The following DAB1 variants were observed in gnomAD, a reference collection of about 807,000 sequenced individuals.
DAB1 encodes the protein disabled homolog 1.
Under a neutral mutation model 64.6 loss-of-function variants are expected in DAB1, and 15 were observed. The ratio of observed to expected loss-of-function variants is 0.23; its 90% CI spans 0.16 to 0.36. The LOEUF (loss-of-function observed/expected upper bound fraction) is 0.36. Ranked by LOEUF, DAB1 falls within the 10% of genes least tolerant of loss-of-function variation. The pLI is 1.00. For missense variants in DAB1, 596 were observed against 706.7 expected, an observed-to-expected ratio of 0.84 and a Z score of 1.78; for synonymous variants, 235 against 251.9, an observed-to-expected ratio of 0.93 and a Z score of 0.64.
At chr1:58,190,992 G>C (rs1226316412) in intron 4 of DAB1, among the ~76,000 whole-genome samples, 1 of 152,174 alleles carries the variant, frequency 6.6e-6, no homozygotes, top group Non-Finnish European at 1.5e-5. Context: ...CCCATCCCAG[G>C]TTATCAACAA....
In DAB1 at chr1:58,139,718, C is replaced by T. The variant is rs539056633; in HGVS notation, n.387+10793G>A. ...ATACGAAGTCTGTGAAAAGCTTAAG[C>T]CTTGCTAAAAGATGTAATTTGATTT... On this transcript the variant is annotated intron_variant and non_coding_transcript_variant, in intron 5 of 20. Coordinates refer to the DAB1 transcript ENST00000485760. Among the ~76,000 whole-genome samples the T allele has an allele frequency of 4.6e-5, 7 of 152,248 alleles. No homozygotes were observed. In the South Asian group the frequency reaches 1.5e-3, roughly 32 times the overall value.
intron 5 of DAB1, among the ~76,000 whole-genome samples, chr1:57,993,834 C>T (rs898099639): frequency 6.6e-5 from 10 of 152,142 alleles, no homozygotes; most frequent in Non-Finnish European, 1.3e-4. Context: ...TGCACTGGTT[C>T]CTACAATCCC....
intron 9 of DAB1, 97 bp downstream of exon 9, chr1:57,062,787 C>T: frequency 1.0e-6 from 1 of 1,000,332 alleles, no homozygotes; most frequent in African/African-American, 1.6e-5. Flanking sequence ...GGCCATGACA[C>T]TCATTCCAGG....
intron 7 of DAB1, among the ~76,000 whole-genome samples, chr1:57,437,697 A>T (rs999757764): frequency 6.6e-6 from 1 of 152,186 alleles, no homozygotes; most frequent in African/African-American, 2.4e-5. Context: ...AGCCCCCACA[A>T]GTGCACTGTA....
intron 4 of DAB1, among the ~76,000 whole-genome samples, chr1:58,236,245 C>A (rs1234550636): frequency 1.3e-5 from 2 of 152,256 alleles, no homozygotes; most frequent in African/African-American, 4.8e-5. Context: ...AAAAAGGTTT[C>A]TGAGATCCAC....
At chr1:57,015,488 T>A (rs552313227) in intron 11 of DAB1, 57 bp from the exon 12 acceptor site, 1 of 1,471,894 alleles carries the variant, frequency 6.8e-7, no homozygotes, top group African/African-American at 1.4e-5. Context: ...GAAAGAAGGA[T>A]GCATGGACTC....
chr1:58,038,467 T>C (rs1647080958), intron 5 of DAB1, among the ~76,000 whole-genome samples: 1 of 151,686 alleles, frequency 6.6e-6, no homozygotes, highest in Non-Finnish European at 1.5e-5. Flanking sequence ...CTTGCCTTTT[T>C]TAAAGGAAAG....
chr1:58,099,156 T>C (rs821526), intron 5 of DAB1, among the ~76,000 whole-genome samples: 54,991 of 151,910 alleles, frequency 0.36, 12,630 homozygotes, highest in African/African-American at 0.64. Context: ...ATGTTCCCAC[T>C]ATAGTTCCCA....
intron 6 of DAB1, among the ~76,000 whole-genome samples, chr1:57,796,857 C>A (rs2101867071): frequency 6.6e-6 from 1 of 152,266 alleles, no homozygotes; most frequent in South Asian, 2.1e-4. Flanking sequence ...GCTATAGATC[C>A]CCACATCTGC....
intron 5 of DAB1, among the ~76,000 whole-genome samples, chr1:57,998,302 T>C (rs151133296): frequency 3.3e-5 from 5 of 152,284 alleles, no homozygotes; most frequent in African/African-American, 1.2e-4. Flanking sequence ...GGGATAATAA[T>C]AGTGCTTCCT....
chr1:58,499,167 T>G (rs1645854522), intron 3 of DAB1, among the ~76,000 whole-genome samples: 1 of 151,674 alleles, frequency 6.6e-6, no homozygotes, highest in Non-Finnish European at 1.5e-5. Context: ...CACTTATATA[T>G]GGAATCTAAA....
At chr1:57,842,994 C>T (rs1406348996) in intron 1 of DAB1, among the ~76,000 whole-genome samples, 3 of 152,162 alleles carry the variant, frequency 2.0e-5, no homozygotes, top group Non-Finnish European at 4.4e-5. Flanking sequence ...GTTGTCTGTC[C>T]TAGTGACTGC....
Position 58,523,628 on chromosome 1 carries a change from A to G in DAB1, n.107+3633T>C, listed in dbSNP as rs547689732. On this transcript the variant is annotated intron_variant and non_coding_transcript_variant, in intron 2 of 20. Coordinates refer to the DAB1 transcript ENST00000485760. Reference sequence around the variant, plus strand: ...AGAACTGGCAGTCCTGGCCGGGCGCAGTGGCTCACACCTGTAATCCCAGCA... The same window carrying G: ...AGAACTGGCAGTCCTGGCCGGGCGCGGTGGCTCACACCTGTAATCCCAGCA... Among the ~76,000 whole-genome samples, 590 of 152,276 alleles carry G rather than the reference A, an allele frequency of 3.9e-3. 2 individuals are homozygous for G. Among genetic ancestry groups the G allele is most frequent in the African/African-American group, 0.014 (569 of 41,556 alleles).
intron 1 of DAB1, chr1:58,527,466 T>G: frequency 1.7e-6 from 1 of 592,518 alleles, no homozygotes. Flanking sequence ...CTACTAACAT[T>G]AAAATAACTC....
At chr1:57,407,039 G>T (rs1378467046) in intron 1 of DAB1, among the ~76,000 whole-genome samples, 1 of 152,188 alleles carries the variant, frequency 6.6e-6, no homozygotes, top group Non-Finnish European at 1.5e-5. Context: ...CCCTAAGAAT[G>T]CAGCTTTATT....
intron 5 of DAB1, among the ~76,000 whole-genome samples, chr1:58,056,949 GCTGTAA>G (rs769109270): frequency 5.9e-5 from 9 of 151,558 alleles, no homozygotes; most frequent in African/African-American, 9.7e-5. Context: ...CCTGCACACT[GCTGTAA>G]CTCGTATGTT....
chr1:57,034,877 G>C (rs913433578), intron 9 of DAB1, among the ~76,000 whole-genome samples: 3 of 152,216 alleles, frequency 2.0e-5, no homozygotes, highest in South Asian at 4.2e-4. Context: ...CTGTCTATAG[G>C]ACATGTGACT....
intron 7 of DAB1, among the ~76,000 whole-genome samples, chr1:57,540,044 G>T (rs1228936147): frequency 6.6e-6 from 1 of 152,188 alleles, no homozygotes. Context: ...GAATGTACAT[G>T]TTCTAGAGAG....
At chr1:57,137,541 G>C (rs956667924) in intron 3 of DAB1, among the ~76,000 whole-genome samples, 2 of 151,996 alleles carry the variant, frequency 1.3e-5, no homozygotes, top group Non-Finnish European at 2.9e-5. Context: ...TCCATACTAG[G>C]GTACAACTCG....
Sources: allele counts gnomAD v4.1 joint callset (sites outside exome capture counted in the v4.1 genomes callset), GRCh38; gene constraint gnomAD v4.1.1; transcripts MANE v1.5; gene names NCBI Gene and HGNC (gene_info 2026-07-23, HGNC 2026-07-21).